The following EVI5 variants were observed in gnomAD, a reference collection of about 807,000 sequenced individuals.
EVI5 encodes the protein ecotropic viral integration site 5 protein homolog.
Under a neutral mutation model 112.0 loss-of-function variants are expected in EVI5, and 73 were observed. The observed-to-expected ratio is 0.65, with a 90% CI of 0.54 to 0.79. EVI5 has a LOEUF of 0.79. Among genes scored for constraint, EVI5 ranks in the 30% least tolerant of loss-of-function variants. The probability of loss-of-function intolerance (pLI) is 0.00; values close to 1 mark genes in which losing one functional copy is unlikely to be tolerated. For synonymous variants in EVI5, 305 were observed against 319.9 expected (o/e 0.95, Z 0.50); for missense variants, 900 against 968.8 (o/e 0.93, Z 0.94).
chr1:92,514,777 T>C (rs1659607082), intron 19 of EVI5, among the ~76,000 whole-genome samples: 3 of 152,214 alleles, frequency 2.0e-5, no homozygotes, highest in Admixed American at 2.0e-4. Context: ...ATTTTGCTGG[T>C]ATTTCTAGAA....
chr1:92,527,130 T>C (rs1034741587), intron 19 of EVI5, among the ~76,000 whole-genome samples: 5 of 152,042 alleles, frequency 3.3e-5, no homozygotes, highest in Non-Finnish European at 4.4e-5. Flanking sequence ...AGAATGTATT[T>C]AGGGCCAGGT....
At chr1:92,613,519 A>G (rs1193079146) in intron 16 of EVI5, among the ~76,000 whole-genome samples, 1 of 151,936 alleles carries the variant, frequency 6.6e-6, no homozygotes, top group Non-Finnish European at 1.5e-5. Context: ...TAAACTCCTG[A>G]CCTCAGGTCA....
chr1:92,604,245 A>T (rs1649842316), intron 18 of EVI5, among the ~76,000 whole-genome samples: 1 of 151,904 alleles, frequency 6.6e-6, no homozygotes, highest in Admixed American at 6.6e-5. Context: ...CTGTAGTCCC[A>T]GGTACTCGGG....
chr1:92,779,563 C>T (rs891684341), intron 1 of EVI5, among the ~76,000 whole-genome samples: 2 of 151,632 alleles, frequency 1.3e-5, no homozygotes, highest in Non-Finnish European at 2.9e-5. Flanking sequence ...TTAACATTCT[C>T]AGAGAGATAA....
rs1290424820 is a variant in EVI5 at position 92,640,356 on chromosome 1, C to G, written c.1393-4020G>C. ...ACAGGAGAAAATTTTTGCAATCTAC[C>G]CATCTGACAAAGGTCTAAAATTCAG... On this transcript the variant is annotated intron_variant, in intron 13 of 19. Transcript: ENST00000684568. Among the ~76,000 whole-genome samples, 5 of 152,016 alleles carry G rather than the reference C, an allele frequency of 3.3e-5. No individual in the cohort carries two copies. In the East Asian group the frequency reaches 9.6e-4, roughly 29 times the overall value.
intron 2 of EVI5, among the ~76,000 whole-genome samples, chr1:92,718,363 C>T (rs1274840300): frequency 6.6e-6 from 1 of 152,170 alleles, no homozygotes; most frequent in African/African-American, 2.4e-5. Flanking sequence ...ACAGTGCAAT[C>T]AAATTAGAAC....
At chr1:92,529,553 G>T (rs995434916) in intron 19 of EVI5, among the ~76,000 whole-genome samples, 2 of 152,128 alleles carry the variant, frequency 1.3e-5, no homozygotes, top group Non-Finnish European at 2.9e-5. Context: ...ATAAATATTT[G>T]TCACTGTGCA....
intron 14 of EVI5, among the ~76,000 whole-genome samples, chr1:92,626,883 TGAGA>T (rs1349805436): frequency 1.3e-5 from 2 of 152,230 alleles, no homozygotes; most frequent in African/African-American, 4.8e-5. Flanking sequence ...ATGTTATTTT[TGAGA>T]GGCATCAAAT....
At chr1:92,787,203 C>T (rs1685705836), upstream of EVI5, among the ~76,000 whole-genome samples, 1 of 152,090 alleles carries the variant, frequency 6.6e-6, no homozygotes, top group Non-Finnish European at 1.5e-5. Flanking sequence ...AAAACTTAAA[C>T]TAAATTTGGC....
Position 92,534,034 on chromosome 1 carries a change from T to C in EVI5, c.2167-20064A>G, listed in dbSNP as rs565480558. Among the ~76,000 whole-genome samples the C allele has an allele frequency of 1.9e-3, 282 of 152,310 alleles. 1 individual carries two copies. Among genetic ancestry groups the C allele is most frequent in the African/African-American group, 5.8e-3 (242 of 41,570 alleles). ...ATGATTGTATACTTAGAAAACCCCATTGTCTCAGCCCAAAATCTCCCTAAG... is the reference window on the plus strand; with the variant it reads ...ATGATTGTATACTTAGAAAACCCCACTGTCTCAGCCCAAAATCTCCCTAAG... On this transcript the variant is annotated intron_variant, in intron 19 of 19. Transcript: ENST00000684568.
intron 19 of EVI5, among the ~76,000 whole-genome samples, chr1:92,524,815 G>A (rs927204301): frequency 8.6e-5 from 13 of 150,948 alleles, no homozygotes; most frequent in African/African-American, 3.2e-4. Context: ...TACAGACACT[G>A]ATAGATTAAC....
chr1:92,564,608 G>C (rs1669133364), intron 18 of EVI5, among the ~76,000 whole-genome samples: 1 of 152,022 alleles, frequency 6.6e-6, no homozygotes, highest in Non-Finnish European at 1.5e-5. Context: ...ATTTTCTAGG[G>C]ATATAGATTG....
At chr1:92,781,148 C>G (rs1684814015) in intron 1 of EVI5, among the ~76,000 whole-genome samples, 1 of 151,978 alleles carries the variant, frequency 6.6e-6, no homozygotes, top group Non-Finnish European at 1.5e-5. Flanking sequence ...CCACGCCCGG[C>G]CTAAAAAGTG....
intron 9 of EVI5, among the ~76,000 whole-genome samples, chr1:92,687,767 C>T (rs976037548): frequency 2.0e-5 from 3 of 152,162 alleles, no homozygotes; most frequent in African/African-American, 7.2e-5. Context: ...ATTTATGCAG[C>T]CAACAGACAT....
At chr1:92,636,177 G>A in intron 14 of EVI5, 25 bp downstream of exon 14, 1 of 1,587,816 alleles carries the variant, frequency 6.3e-7, no homozygotes, top group East Asian at 2.3e-5. Flanking sequence ...ATTTGGGAAT[G>A]ACTGCATTTG....
At chr1:92,726,604 G>A (rs1036227044) in intron 2 of EVI5, among the ~76,000 whole-genome samples, 1 of 152,128 alleles carries the variant, frequency 6.6e-6, no homozygotes, top group Non-Finnish European at 1.5e-5. Flanking sequence ...TGGAAATCTG[G>A]ATCTAAAGAA....
intron 19 of EVI5, among the ~76,000 whole-genome samples, chr1:92,534,534 T>C (rs1663484815): frequency 6.6e-6 from 1 of 152,058 alleles, no homozygotes; most frequent in South Asian, 2.1e-4. Context: ...CAAACTATAC[T>C]ACAAGGCTAC....
chr1:92,624,719 A>AAAAAT (rs1655290106), intron 15 of EVI5, among the ~76,000 whole-genome samples: 1 of 118,908 alleles, frequency 8.4e-6, no homozygotes, highest in Admixed American at 8.8e-5. Flanking sequence ...AAAAAAAAAA[A>AAAAAT]AGAATTTATT....
rs1280002950 is a variant in EVI5 at position 92,510,333 on chromosome 1, G to C, written c.*3323C>G. On this transcript the variant is annotated 3_prime_UTR_variant, in exon 20 of 20. Transcript: ENST00000684568. The stretch of plus-strand genomic sequence containing the variant: ...TGCATGCTTTAAAGAACAGTGATGG[G>C]ATTCTGGAGTTCTTTCCTTTCTTTC... 6.6e-6 allele frequency: 1 copy of C among 152,150 alleles called. No individual in the cohort carries two copies. Among genetic ancestry groups the C allele is most frequent in the African/African-American group, 2.4e-5 (1 of 41,434 alleles). The allele number at this position is 152,150 out of a possible 1,614,324, so 9.4% of individuals were successfully genotyped here.
Sources: allele counts gnomAD v4.1 joint callset (sites outside exome capture counted in the v4.1 genomes callset), GRCh38; gene constraint gnomAD v4.1.1; transcripts MANE v1.5; gene names NCBI Gene and HGNC (gene_info 2026-07-23, HGNC 2026-07-21).